COX7B2: variants seen among roughly 807,000 people sequenced by gnomAD.
COX7B2 encodes the protein cytochrome c oxidase subunit 7B2.
For missense variants in COX7B2, 109 were observed against 95.9 expected (o/e 1.14, Z -0.57); for synonymous variants, 37 against 32.1 (o/e 1.15, Z -0.51).
At position 46,774,383 on chromosome 4, in the gene COX7B2, T is replaced by G. The variant is rs564227838; in HGVS notation, c.-49-39142A>C. ...GTTCAGAGAAATTATACTCTCTGTC[T>G]GATTACATTTTGCTACAGTGCTTTA... On this transcript the variant is annotated intron_variant, in intron 2 of 2. Transcript: ENST00000355591. 3.3e-5 allele frequency among the ~76,000 whole-genome samples: 5 copies of G among 152,006 alleles called. No individual in the cohort carries two copies. The South Asian group carries it at 1.0e-3, about 31-fold the overall frequency.
chr4:46,767,648 A>G (rs1383925175), intron 2 of COX7B2, among the ~76,000 whole-genome samples: 1 of 152,226 alleles, frequency 6.6e-6, no homozygotes, highest in East Asian at 1.9e-4. Context: ...CATATAAAAT[A>G]TATTTTCCTA....
chr4:46,830,324 C>CAAAAAAAAAAAAAAAAAAA (rs201868075), intron 2 of COX7B2, among the ~76,000 whole-genome samples: 2 of 82,158 alleles, frequency 2.4e-5, no homozygotes, highest in Non-Finnish European at 4.9e-5. Flanking sequence ...ACTCTGTCTC[C>CAAAAAAAAAAAAAAAAAAA]AAAAAAAAAA....
chr4:46,756,315 T>C (rs1479373654), intron 2 of COX7B2, among the ~76,000 whole-genome samples: 1 of 152,074 alleles, frequency 6.6e-6, no homozygotes. Flanking sequence ...TAACTCAAGA[T>C]GGGTTGAAGA....
chr4:46,812,172 G>A (rs1417506519), intron 2 of COX7B2, among the ~76,000 whole-genome samples: 2 of 152,080 alleles, frequency 1.3e-5, no homozygotes, highest in Non-Finnish European at 2.9e-5. Flanking sequence ...GGGTTCCTGG[G>A]CTAAGGGTTT....
chr4:46,753,050 AC>A (rs1424641280), intron 2 of COX7B2, among the ~76,000 whole-genome samples: 1 of 151,978 alleles, frequency 6.6e-6, no homozygotes, highest in Non-Finnish European at 1.5e-5. Context: ...CTGGTCCTGG[AC>A]TTTTTTTGGT....
intron 2 of COX7B2, among the ~76,000 whole-genome samples, chr4:46,802,913 G>A (rs1355510208): frequency 6.6e-6 from 1 of 152,096 alleles, no homozygotes; most frequent in Non-Finnish European, 1.5e-5. Context: ...TTCCAGTAAT[G>A]CTTAAAAATA....
intron 2 of COX7B2, among the ~76,000 whole-genome samples, chr4:46,839,899 A>G (rs1289454698): frequency 6.6e-6 from 1 of 152,012 alleles, no homozygotes; most frequent in Non-Finnish European, 1.5e-5. Context: ...ATAGGTGGGG[A>G]GGTGAGAAAC....
chr4:46,757,688 C>G (rs1231319763), intron 2 of COX7B2, among the ~76,000 whole-genome samples: 1 of 152,078 alleles, frequency 6.6e-6, no homozygotes, highest in Non-Finnish European at 1.5e-5. Flanking sequence ...ATATAAACTC[C>G]TATTCTTACG....
intron 1 of COX7B2, among the ~76,000 whole-genome samples, chr4:46,907,878 G>T (rs987198833): frequency 3.3e-5 from 2 of 60,572 alleles, no homozygotes; most frequent in Non-Finnish European, 6.8e-5. Flanking sequence ...TTTTTGAGAC[G>T]GAGTCTCTCT....
intron 2 of COX7B2, among the ~76,000 whole-genome samples, chr4:46,753,864 A>G (rs981792677): frequency 5.3e-5 from 8 of 152,198 alleles, no homozygotes; most frequent in African/African-American, 1.9e-4. Flanking sequence ...ACAAATTTAC[A>G]AGAAATAAAC....
At position 46,759,058 on chromosome 4, in the gene COX7B2, G is replaced by A. The variant is rs547201750; in HGVS notation, c.-49-23817C>T. On this transcript the variant is annotated intron_variant, in intron 2 of 2. Coordinates refer to ENST00000355591, the MANE Select transcript of COX7B2 (RefSeq NM_130902.3). ...AATCTCACACTGTCTTAGTCTGATA[G>A]CCTTTAAACTGAGAATATAGTTTGC... 2.6e-5 allele frequency among the ~76,000 whole-genome samples: 4 copies of A among 152,184 alleles called. No homozygotes were observed. The South Asian group carries it at 8.3e-4, about 32-fold the overall frequency.
intron 1 of COX7B2, among the ~76,000 whole-genome samples, chr4:46,905,916 G>A (rs1179767388): frequency 2.4e-5 from 3 of 127,460 alleles, no homozygotes; most frequent in Non-Finnish European, 4.7e-5. Context: ...TGCAAGCTCC[G>A]CTTCCCGGGT....
At chr4:46,804,939 C>T (rs936471505) in intron 2 of COX7B2, among the ~76,000 whole-genome samples, 11 of 152,286 alleles carry the variant, frequency 7.2e-5, no homozygotes, top group East Asian at 5.8e-4. Flanking sequence ...GTAGGGGGGG[C>T]GGTGCTCAGG....
intron 1 of COX7B2, among the ~76,000 whole-genome samples, chr4:46,873,823 C>T (rs1298970177): frequency 6.6e-6 from 1 of 152,152 alleles, no homozygotes; most frequent in Non-Finnish European, 1.5e-5. Context: ...CTCCCCCTTC[C>T]CCTCACCCCA....
At chr4:46,750,020 A>G (rs1442468856) in intron 2 of COX7B2, among the ~76,000 whole-genome samples, 1 of 152,174 alleles carries the variant, frequency 6.6e-6, no homozygotes, top group African/African-American at 2.4e-5. Flanking sequence ...CACTGGGTGT[A>G]CATTCCTATT....
chr4:46,868,177 A>G (rs1717783545), intron 1 of COX7B2, among the ~76,000 whole-genome samples: 1 of 152,170 alleles, frequency 6.6e-6, no homozygotes, highest in Non-Finnish European at 1.5e-5. Context: ...AGGTGTTCAC[A>G]GTAGTTTCTG....
chr4:46,740,095 T>A (rs1483579665), intron 2 of COX7B2, among the ~76,000 whole-genome samples: 1 of 152,118 alleles, frequency 6.6e-6, no homozygotes, highest in Non-Finnish European at 1.5e-5. Flanking sequence ...TCTCTGTTTA[T>A]CTTTGTTCTG....
intron 2 of COX7B2, among the ~76,000 whole-genome samples, chr4:46,752,864 A>C (rs1715486300): frequency 6.6e-6 from 1 of 152,102 alleles, no homozygotes; most frequent in Non-Finnish European, 1.5e-5. Context: ...CATCAGCGAT[A>C]TTGGTCTAAA....
At chr4:46,770,921 T>C (rs958817187) in intron 2 of COX7B2, among the ~76,000 whole-genome samples, 9 of 152,096 alleles carry the variant, frequency 5.9e-5, no homozygotes, top group Non-Finnish European at 1.3e-4. Context: ...GAGACAGTAA[T>C]TTTTTTATAT....
Sources: allele counts gnomAD v4.1 joint callset (sites outside exome capture counted in the v4.1 genomes callset), GRCh38; gene constraint gnomAD v4.1.1; transcripts MANE v1.5; gene names NCBI Gene and HGNC (gene_info 2026-07-23, HGNC 2026-07-21).